Variants in HERC2 observed in about 807,000 individuals in gnomAD.
HERC2 encodes HECT and RLD domain containing E3 ubiquitin protein ligase 2, also known as E3 ubiquitin-protein ligase HERC2.
HERC2 carries 102 observed loss-of-function variants against 537.7 expected under a neutral mutation model. The observed-to-expected ratio is 0.19, with a 90% CI of 0.16 to 0.22. The LOEUF is 0.22. Ranked by LOEUF, HERC2 falls within the 10% of genes least tolerant of loss-of-function variation. The pLI, the probability that HERC2 is intolerant of heterozygous loss-of-function variation, is 1.00. For missense variants in HERC2, 4,236 were observed against 6,198.2 expected, an observed-to-expected ratio of 0.68 and a Z score of 10.63; for synonymous variants, 2,224 against 2,466.2, an observed-to-expected ratio of 0.90 and a Z score of 2.91.
At chr15:28,304,579 G>C (rs2076728204) in intron 2 of HERC2, among the ~76,000 whole-genome samples, 1 of 151,914 alleles carries the variant, frequency 6.6e-6, no homozygotes, top group Non-Finnish European at 1.5e-5. Flanking sequence ...TGTTGGCCAG[G>C]CTTCAAACTC....
In HERC2 at chr15:28,177,482, A is replaced by G; in HGVS notation, c.9191T>C (p.Val3064Ala). The G allele has an allele frequency of 6.2e-7, 1 of 1,614,222 alleles. No individual in the cohort carries two copies. The highest frequency in any genetic ancestry group is 1.6e-4 in the Middle Eastern group (1 of 6,062). The change falls in exon 60 of 93, where the codon GTC (valine) becomes GCC (alanine). Residue 3064 changes from valine to alanine, a missense_variant. Val to Ala is a moderately conservative substitution (Grantham distance 64). Around this residue, in one of 27 missense-constraint regions of HERC2, gnomAD observed 606 missense variants for 884.5 expected, o/e 0.69. Coordinates refer to ENST00000261609, the MANE Select transcript of HERC2 (RefSeq NM_004667.6). The surrounding 1 kb of genome is among the most constrained non-coding windows in gnomAD (Gnocchi z 5.0). Reference sequence around the variant, plus strand: ...GCCCCACGAAAACACTTTTCCATCGACAGTTAAAGCCGTCGCGTGCCGGCC... The same window carrying G: ...GCCCCACGAAAACACTTTTCCATCGGCAGTTAAAGCCGTCGCGTGCCGGCC... ...SGGRHATALT[V>A]DGKVFSWGEG...
At chr15:28,228,788 G>A (rs1300069771) in intron 34 of HERC2, among the ~76,000 whole-genome samples, 1 of 152,210 alleles carries the variant, frequency 6.6e-6, no homozygotes, top group Non-Finnish European at 1.5e-5. Flanking sequence ...ACAGGACTTA[G>A]CATGTTGCTC....
rs2075655834 is a variant in HERC2 at position 28,269,282 on chromosome 15, C to T, written c.1412G>A (p.Arg471His). The change falls in exon 11 of 93, where the codon CGC becomes CAC. Residue 471 changes from arginine to histidine, a missense_variant. By Grantham distance (29) the Arg-to-His change is conservative. Transcript: ENST00000261609. Reference sequence around the variant, plus strand: ...ACTATTATAGGCCTGTGTGTACACGCGGCCATTGCGTGACAGAATCAGGAA... The same window carrying T: ...ACTATTATAGGCCTGTGTGTACACGTGGCCATTGCGTGACAGAATCAGGAA... ...KRFLILSRNG[R>H]VYTQAYNSDT... 7.4e-6 allele frequency: 12 copies of T among 1,614,024 alleles called. No homozygotes were observed. Among genetic ancestry groups the T allele is most frequent in the Non-Finnish European group, 1.0e-5 (12 of 1,179,942 alleles).
chr15:28,290,421 G>A (rs549418381), intron 4 of HERC2, among the ~76,000 whole-genome samples: 1 of 152,022 alleles, frequency 6.6e-6, no homozygotes, highest in Admixed American at 6.6e-5. Context: ...ATAGAGACAG[G>A]GTTTCACCAT....
rs544447636 is a variant in HERC2 at position 28,135,472 on chromosome 15, T to C, written c.12230+6A>G. The C allele has an allele frequency of 1.2e-6, 2 of 1,607,730 alleles. No individual in the cohort carries two copies. The highest frequency in any genetic ancestry group is 1.3e-5 in the African/African-American group (1 of 74,942). ...AGAATGTTGAAATAATTTTTTCACATCATACCTTCTGTTGCCATGCCCCAA... is the reference window on the plus strand; with the variant it reads ...AGAATGTTGAAATAATTTTTTCACACCATACCTTCTGTTGCCATGCCCCAA... On this transcript the variant is annotated splice_donor_region_variant and intron_variant, in intron 79 of 92. Coordinates refer to ENST00000261609, the MANE Select transcript of HERC2 (RefSeq NM_004667.6).
At chr15:28,132,514 T>G in intron 80 of HERC2, 139 bp downstream of exon 80, 1 of 877,236 alleles carries the variant, frequency 1.1e-6, no homozygotes, top group Non-Finnish European at 1.6e-6. Context: ...GGCTGTTTAT[T>G]CACTTCTTGC....
At position 28,132,277 on chromosome 15, in the gene HERC2, A is replaced by G. The variant is rs758649569; in HGVS notation, c.12409-16T>C. The G allele has an allele frequency of 7.5e-6, 12 of 1,595,528 alleles. No homozygotes were observed. The African/African-American group carries it at 1.1e-4, about 14-fold the overall frequency. Reference sequence around the variant, plus strand: ...GCGCCTCCACCTTCAGAGAAAAGGGACTTGGGTTGGCCAAGCACAACACAA... The same window carrying G: ...GCGCCTCCACCTTCAGAGAAAAGGGGCTTGGGTTGGCCAAGCACAACACAA... On this transcript the variant is annotated splice_polypyrimidine_tract_variant and intron_variant, in intron 80 of 92. Transcript: ENST00000261609.
At position 28,144,159 on chromosome 15, in the gene HERC2, G is replaced by A. The variant is rs1368804408; in HGVS notation, c.11217C>T (p.Phe3739=). The A allele has an allele frequency of 6.2e-7, 1 of 1,614,216 alleles. No individual in the cohort carries two copies. Among genetic ancestry groups the A allele is most frequent in the Non-Finnish European group, 8.5e-7 (1 of 1,180,048 alleles). ...SMDLVTCLLD[F]RLNLASNRSI... Reference sequence around the variant, plus strand: ...TTCTGTTAGAGGCAAGGTTGAGTCGGAAGTCTAACAGACACGTCACCAAGT... The same window carrying A: ...TTCTGTTAGAGGCAAGGTTGAGTCGAAAGTCTAACAGACACGTCACCAAGT... Residue 3739 remains phenylalanine (F), a synonymous_variant, in exon 73 of 93, where the codon TTC becomes TTT. Coordinates refer to ENST00000261609, the MANE Select transcript of HERC2 (RefSeq NM_004667.6).
At chr15:28,130,910 C>T (rs1397613941) in intron 81 of HERC2, among the ~76,000 whole-genome samples, 1 of 152,162 alleles carries the variant, frequency 6.6e-6, no homozygotes, top group East Asian at 1.9e-4. Context: ...CTTCTCTGTG[C>T]AGGAGCACCA....
chr15:28,172,342 A>C (rs1894789004), intron 65 of HERC2, among the ~76,000 whole-genome samples: 1 of 152,232 alleles, frequency 6.6e-6, no homozygotes, highest in Non-Finnish European at 1.5e-5. Context: ...AAAAGAACAA[A>C]GCTAAAGAAC....
chr15:28,122,227 A>AGGAGGGAGCAGGTCGGCCATGCCCGTGG lies in HERC2; in HGVS notation c.13189-826_13189-799dup, dbSNP rs1888993175. On this transcript the variant is annotated intron_variant, in intron 85 of 92. Transcript: ENST00000261609. The surrounding 1 kb of genome is among the most constrained non-coding windows in gnomAD (Gnocchi z 4.1). ...CACGGTGAGGACCCAGCCGTTCCCC[A>AGGAGGGAGCAGGTCGGCCATGCCCGTGG]GGAGGGAGCAGGTCGGCCATGCCCG... 1.3e-5 allele frequency among the ~76,000 whole-genome samples: 2 copies of AGGAGGGAGCAGGTCGGCCATGCCCGTGG among 152,210 alleles called. No individual in the cohort carries two copies. Among genetic ancestry groups the AGGAGGGAGCAGGTCGGCCATGCCCGTGG allele is most frequent in the Non-Finnish European group, 2.9e-5 (2 of 68,024 alleles).
chr15:28,128,127 C>T (rs1211212133), intron 83 of HERC2, among the ~76,000 whole-genome samples: 2 of 152,154 alleles, frequency 1.3e-5, no homozygotes, highest in Non-Finnish European at 2.9e-5. Flanking sequence ...GAAGAATGTG[C>T]TACAAAATAA....
Position 28,141,634 on chromosome 15 carries a change from C to A in HERC2, c.11817-4G>T. ...GAGAGTCCAGTCATCTGGTCGCCTA[C>A]AATACACATCAAGTGAGCATTTGCC... On this transcript the variant is annotated splice_polypyrimidine_tract_variant and splice_region_variant and intron_variant, in intron 77 of 92. Coordinates refer to ENST00000261609, the MANE Select transcript of HERC2 (RefSeq NM_004667.6). 1 of 1,614,124 alleles carries A rather than the reference C, an allele frequency of 6.2e-7. No homozygotes were observed. The highest frequency in any genetic ancestry group is 1.3e-5 in the African/African-American group (1 of 75,030).
intron 52 of HERC2, among the ~76,000 whole-genome samples, chr15:28,194,846 A>T (rs1897199699): frequency 6.6e-6 from 1 of 152,130 alleles, no homozygotes; most frequent in Non-Finnish European, 1.5e-5. Context: ...ACCTGAGGTC[A>T]GGAGTTCAAG....
At chr15:28,142,036 T>C (rs1449263693) in intron 76 of HERC2, among the ~76,000 whole-genome samples, 190 bp from the exon 77 acceptor site, 1 of 152,190 alleles carries the variant, frequency 6.6e-6, no homozygotes, top group African/African-American at 2.4e-5. Flanking sequence ...CTAGACAGTA[T>C]CATTCTACCT....
chr15:28,265,839 C>G lies in HERC2; in HGVS notation c.1734G>C (p.Gly578=). ...AEGELYTWGR[G]NYGRLGHGSS... is the part of the protein sequence containing the mutation. The stretch of plus-strand genomic sequence containing the variant: ...TACCATGGCCCAGCCGGCCGTAGTT[C>G]CCGCGGCCCCAGGTGTACAGCTCCC... The change falls in exon 13 of 93, where the codon GGG becomes GGC. Residue 578 remains glycine, a synonymous_variant. Coordinates refer to ENST00000261609, the MANE Select transcript of HERC2 (RefSeq NM_004667.6). The surrounding 1 kb of genome is among the most constrained non-coding windows in gnomAD (Gnocchi z 4.0). 1 of 1,614,162 alleles carries G rather than the reference C, an allele frequency of 6.2e-7. No homozygotes were observed. Among genetic ancestry groups the G allele is most frequent in the Non-Finnish European group, 8.5e-7 (1 of 1,180,042 alleles).
At chr15:28,241,528 GA>G (rs1903118515) in intron 23 of HERC2, among the ~76,000 whole-genome samples, 2 of 152,086 alleles carry the variant, frequency 1.3e-5, no homozygotes, top group Admixed American at 1.3e-4. Flanking sequence ...ATACCCAAAA[GA>G]AGTAAAAGCA....
intron 2 of HERC2, among the ~76,000 whole-genome samples, chr15:28,315,151 G>T (rs2077047956): frequency 6.6e-6 from 1 of 152,206 alleles, no homozygotes; most frequent in Non-Finnish European, 1.5e-5. Context: ...AGGTCTGCAA[G>T]AAGAAACTAC....
At chr15:28,286,242 C>T (rs1484528343) in intron 4 of HERC2, among the ~76,000 whole-genome samples, 2 of 151,766 alleles carry the variant, frequency 1.3e-5, no homozygotes, top group African/African-American at 4.8e-5. Flanking sequence ...CTAATAGAAG[C>T]TAATATTAAG....
Sources: gnomAD v4.1 joint callset for allele counts (sites outside exome capture counted in the v4.1 genomes callset) on GRCh38, gnomAD v4.1.1 for gene constraint, gnomAD v4.1.1 regional missense constraint, Gnocchi (gnomAD v3.1) non-coding constraint, MANE v1.5 for transcripts, NCBI Gene and HGNC (gene_info 2026-07-23, HGNC 2026-07-21) for gene names.